The following RNF216 variants were observed in gnomAD, a reference collection of about 807,000 sequenced individuals.
RNF216 encodes the protein E3 ubiquitin-protein ligase RNF216.
In RNF216, 72 loss-of-function variants were observed where a neutral mutation model predicts 110.8. That is an observed-to-expected ratio of 0.65 (90% CI 0.54 to 0.79). The LOEUF (loss-of-function observed/expected upper bound fraction) is 0.79, where lower values mean the gene tolerates loss of function less well. Ranked by LOEUF, RNF216 falls within the 30% of genes least tolerant of loss-of-function variation. The pLI, the probability that RNF216 is intolerant of heterozygous loss-of-function variation, is 0.00. For missense variants in RNF216, 1,342 were observed against 1,141.2 expected (o/e 1.18, Z -2.54); for synonymous variants, 495 against 407.5 (o/e 1.21, Z -2.59).
At position 5,736,717 on chromosome 7, in the gene RNF216, C is replaced by T. The variant is rs75525475; in HGVS notation, c.1121+2559G>A. Among the ~76,000 whole-genome samples the T allele has an allele frequency of 2.0e-4, 31 of 151,756 alleles. No homozygotes were observed. In the East Asian group the frequency reaches 4.3e-3, roughly 21 times the overall value. ...CACCCATCATCTGAGACGTGGGGAG[C>T]GCCTCTGCCCCGCCGCCCCATCTGG... On this transcript the variant is annotated intron_variant, in intron 5 of 16. Coordinates refer to ENST00000389902, the MANE Select transcript of RNF216 (RefSeq NM_207111.4).
rs1434487037 is a variant in RNF216 at position 5,737,485 on chromosome 7, C to A, written c.1121+1791G>T. ...CTATTGTCCTGTGACCCTGCCTAATCCCCCTCTGCGAGAAACAACCAAGAA... is the reference window on the plus strand; with the variant it reads ...CTATTGTCCTGTGACCCTGCCTAATACCCCTCTGCGAGAAACAACCAAGAA... On this transcript the variant is annotated intron_variant, in intron 5 of 16. Transcript: ENST00000389902. 2.6e-5 allele frequency among the ~76,000 whole-genome samples: 4 copies of A among 151,492 alleles called. No homozygotes were observed. The East Asian group carries it at 5.8e-4, about 22-fold the overall frequency.
At chr7:5,647,224 G>GT (rs1401410298) in intron 14 of RNF216, among the ~76,000 whole-genome samples, 2 of 151,300 alleles carry the variant, frequency 1.3e-5, no homozygotes, top group Non-Finnish European at 2.9e-5. Flanking sequence ...TCATGTTTTT[G>GT]TAATGTCACT....
chr7:5,674,895 G>A (rs1283936245), intron 13 of RNF216, among the ~76,000 whole-genome samples: 2 of 151,854 alleles, frequency 1.3e-5, no homozygotes, highest in African/African-American at 4.8e-5. Context: ...TACTCGGGAG[G>A]CTGAGGCAAG....
intron 1 of RNF216, among the ~76,000 whole-genome samples, chr7:5,768,843 A>G (rs571023368): frequency 6.6e-5 from 10 of 151,416 alleles, no homozygotes; most frequent in African/African-American, 2.4e-4. Flanking sequence ...TTGTATTTTT[A>G]GTAGAGACAG....
chr7:5,714,249 C>T (rs983896808), intron 11 of RNF216, among the ~76,000 whole-genome samples: 1 of 151,986 alleles, frequency 6.6e-6, no homozygotes, highest in Non-Finnish European at 1.5e-5. Context: ...GCATAAGCCA[C>T]AGCGCCTGGC....
chr7:5,688,728 A>T (rs1034127258), intron 13 of RNF216, among the ~76,000 whole-genome samples: 18 of 151,012 alleles, frequency 1.2e-4, no homozygotes, highest in Non-Finnish European at 1.9e-4. Context: ...GGCTTGTCTT[A>T]TTTTTTTTTG....
At chr7:5,681,876 A>G (rs1472970962) in intron 13 of RNF216, among the ~76,000 whole-genome samples, 2 of 152,346 alleles carry the variant, frequency 1.3e-5, no homozygotes, top group East Asian at 3.9e-4. Context: ...AGCAAGTTCA[A>G]CATGAAGACG....
chr7:5,671,392 A>G (rs1386787413), intron 13 of RNF216, among the ~76,000 whole-genome samples: 2 of 152,232 alleles, frequency 1.3e-5, no homozygotes, highest in African/African-American at 4.8e-5. Context: ...GCATATGTGA[A>G]GCCCTCAACT....
intron 15 of RNF216, among the ~76,000 whole-genome samples, chr7:5,631,209 G>T (rs930972479): frequency 6.6e-6 from 1 of 152,098 alleles, no homozygotes; most frequent in African/African-American, 2.4e-5. Context: ...AATTTTTAGG[G>T]AACAATCCTC....
intron 14 of RNF216, among the ~76,000 whole-genome samples, chr7:5,652,159 G>A (rs1046863114): frequency 2.0e-5 from 3 of 152,090 alleles, no homozygotes; most frequent in East Asian, 1.9e-4. Context: ...AGAAAATAAG[G>A]AAAAGGGGGA....
In RNF216 at chr7:5,624,426, G is replaced by T. The variant is rs852462; in HGVS notation, c.2383-301C>A. Among the ~76,000 whole-genome samples the T allele has an allele frequency of 0.018, 2,697 of 152,376 alleles. 40 individuals carry two copies. Among genetic ancestry groups the T allele is most frequent in the South Asian group, 0.056 (271 of 4,830 alleles). On this transcript the variant is annotated intron_variant, in intron 15 of 16. Coordinates refer to ENST00000389902, the MANE Select transcript of RNF216 (RefSeq NM_207111.4). This position sits in a 1 kb window ranked among gnomAD's most constrained non-coding sequence, Gnocchi z 4.4. ...AGGGCCTCCATGCACTGAGCTGCGT[G>T]CAAGTGGTGGATATGAGAAGGGTTT...
At chr7:5,754,326 A>T (rs182739622) in intron 2 of RNF216, among the ~76,000 whole-genome samples, 2,917 of 151,668 alleles carry the variant, frequency 0.019, 42 homozygotes, top group Non-Finnish European at 0.03. Flanking sequence ...CAGTTACTTA[A>T]AAAAAAAATT....
chr7:5,710,850 C>T (rs185845343), intron 13 of RNF216, among the ~76,000 whole-genome samples: 4 of 152,328 alleles, frequency 2.6e-5, no homozygotes, highest in East Asian at 1.9e-4. Context: ...ACAAGGGACA[C>T]GCTAGCACTC....
chr7:5,773,933 G>C (rs930828428), intron 1 of RNF216, among the ~76,000 whole-genome samples: 1 of 152,178 alleles, frequency 6.6e-6, no homozygotes, highest in African/African-American at 2.4e-5. Flanking sequence ...GAAAATCAAA[G>C]GGAGATGTGA....
In RNF216 at chr7:5,660,757, A is replaced by G. The variant is rs149760504; in HGVS notation, c.2062-8247T>C. On this transcript the variant is annotated intron_variant, in intron 13 of 16. Coordinates refer to ENST00000389902, the MANE Select transcript of RNF216 (RefSeq NM_207111.4). ...CATGCCTGGCTAATTTTTTGTAGAG[A>G]TGGGGTCTTGCCATGTTGCCCAGGC... Among the ~76,000 whole-genome samples the G allele has an allele frequency of 3.1e-3, 454 of 146,880 alleles. 2 individuals are homozygous for G. The highest frequency in any genetic ancestry group is 0.011 in the African/African-American group (431 of 39,670).
At chr7:5,690,900 T>C (rs138170700) in intron 13 of RNF216, among the ~76,000 whole-genome samples, 7 of 152,216 alleles carry the variant, frequency 4.6e-5, no homozygotes, top group African/African-American at 1.7e-4. Flanking sequence ...CATCATGGAA[T>C]TGCGATTTGG....
intron 13 of RNF216, among the ~76,000 whole-genome samples, chr7:5,673,722 A>T (rs549332442): frequency 8.5e-4 from 130 of 152,292 alleles, no homozygotes; most frequent in Non-Finnish European, 1.6e-3. Context: ...CAAAAAAATT[A>T]AAAAATTAGC....
At chr7:5,662,894 G>A (rs923813511) in intron 13 of RNF216, among the ~76,000 whole-genome samples, 7 of 152,006 alleles carry the variant, frequency 4.6e-5, no homozygotes, top group South Asian at 2.1e-4. Flanking sequence ...GTAGAGAAGC[G>A]TTCCAGGTAC....
intron 10 of RNF216, among the ~76,000 whole-genome samples, chr7:5,715,600 T>G (rs2287592): frequency 8.1e-6 from 1 of 123,694 alleles, no homozygotes; most frequent in African/African-American, 2.9e-5. Context: ...ATAAGGAGTG[T>G]GAATGGGTCT....
Sources: allele counts gnomAD v4.1 joint callset (sites outside exome capture counted in the v4.1 genomes callset), GRCh38; gene constraint gnomAD v4.1.1; non-coding constraint Gnocchi (gnomAD v3.1); transcripts MANE v1.5; gene names NCBI Gene and HGNC (gene_info 2026-07-23, HGNC 2026-07-21).